HERC1: variants seen among roughly 807,000 people sequenced by gnomAD.
HERC1 encodes HECT and RLD domain containing E3 ubiquitin protein ligase family member 1.
A neutral mutation model predicts 554.3 loss-of-function variants in HERC1; 160 were observed. The ratio of observed to expected loss-of-function variants is 0.29; its 90% CI spans 0.25 to 0.33. The LOEUF is 0.33. Among genes scored for constraint, HERC1 ranks in the 10% least tolerant of loss-of-function variants. The probability of loss-of-function intolerance (pLI) is 1.00; values close to 1 mark genes in which losing one functional copy is unlikely to be tolerated. For missense variants in HERC1, 4,919 were observed against 5,918.5 expected (o/e 0.83, Z 5.54); for synonymous variants, 2,175 against 2,131.7 (o/e 1.02, Z -0.56).
chr15:63,714,643 G>T (rs2073463139), intron 22 of HERC1, among the ~76,000 whole-genome samples: 1 of 144,362 alleles, frequency 6.9e-6, no homozygotes, highest in Admixed American at 7.1e-5. Flanking sequence ...TCCACCCCCA[G>T]GTTCAAGCGA....
In HERC1 at chr15:63,654,052, TGAGAA is replaced by T. The variant is rs558079832; in HGVS notation, c.10290+62_10290+66del. 77 of 1,286,228 alleles carry T rather than the reference TGAGAA, an allele frequency of 6.0e-5. No homozygotes were observed. In the African/African-American group the frequency reaches 6.7e-4, roughly 11 times the overall value. The allele number at this position is 1,286,228 out of a possible 1,614,324, so 79.7% of individuals were successfully genotyped here. A position where few individuals can be genotyped will look rare whatever the true frequency, so the allele number is the denominator to read the frequency against. On this transcript the variant is annotated intron_variant, in intron 51 of 77. Transcript: ENST00000443617. ...AGAGAGACCTAAACTTTGAGCTCCT[TGAGAA>T]GAGAAGAGACTATTTCATCTTACAT... is the stretch of plus-strand genomic sequence containing the variant.
chr15:63,787,026 G>A (rs1365416025), intron 1 of HERC1, among the ~76,000 whole-genome samples: 1 of 150,848 alleles, frequency 6.6e-6, no homozygotes, highest in African/African-American at 2.4e-5. Context: ...ATTTTTAGTA[G>A]AGATGGAGTT....
chr15:63,729,885 C>A (rs1268609758), intron 14 of HERC1, among the ~76,000 whole-genome samples: 1 of 151,648 alleles, frequency 6.6e-6, no homozygotes, highest in Non-Finnish European at 1.5e-5. Context: ...ATTAGCTAGG[C>A]GTGGTGGTGG....
intron 1 of HERC1, among the ~76,000 whole-genome samples, chr15:63,790,100 GGAT>G (rs1363995772): frequency 6.6e-6 from 1 of 151,966 alleles, no homozygotes; most frequent in Non-Finnish European, 1.5e-5. Context: ...GTAATATAAT[GGAT>G]AATAAAAGAA....
At chr15:63,660,927 T>A in intron 46 of HERC1, 46 bp downstream of exon 46, 4 of 1,104,988 alleles carry the variant, frequency 3.6e-6, no homozygotes, top group Non-Finnish European at 5.6e-6. Context: ...GCAGAGAGGA[T>A]ATATAAAAAA....
chr15:63,609,093 G>T lies in HERC1; in HGVS notation c.14574C>A (p.Asp4858Glu), dbSNP rs1253810461. Residue 4858 changes from aspartate to glutamate, a missense_variant, in exon 78 of 78, where the codon GAC (aspartate) becomes GAA (glutamate). Coordinates refer to ENST00000443617, the MANE Select transcript of HERC1 (RefSeq NM_003922.4). ...SRNVDNAEGS[D>E]TDY ...AGCACCCGCACGGTCAGTAGTCAGT[G>T]TCGGAGCCCTCGGCGTTGTCCACGT... 2 of 1,613,378 alleles carry T rather than the reference G, an allele frequency of 1.2e-6. No individual in the cohort carries two copies. Among genetic ancestry groups the T allele is most frequent in the Non-Finnish European group, 1.7e-6 (2 of 1,179,632 alleles).
chr15:63,664,686 T>C (rs1013660999), intron 42 of HERC1, 92 bp from the exon 43 acceptor site: 39 of 1,056,594 alleles, frequency 3.7e-5, no homozygotes, highest in Non-Finnish European at 4.7e-5. Flanking sequence ...ACTACTTTAT[T>C]CTCATTGAGA....
intron 43 of HERC1, among the ~76,000 whole-genome samples, chr15:63,663,816 TA>T (rs916712172): frequency 6.6e-6 from 1 of 152,122 alleles, no homozygotes; most frequent in East Asian, 1.9e-4. Context: ...TTTTAGGTTT[TA>T]AAAAAAATCA....
intron 1 of HERC1, among the ~76,000 whole-genome samples, chr15:63,797,657 T>C (rs544647388): frequency 6.6e-6 from 1 of 152,238 alleles, no homozygotes; most frequent in African/African-American, 2.4e-5. Flanking sequence ...CTCTGTCTCA[T>C]GCATGGCATG....
Position 63,674,470 on chromosome 15 carries a change from C to A in HERC1, c.7718G>T (p.Arg2573Leu), listed in dbSNP as rs1290572429. The A allele has an allele frequency of 3.1e-6, 5 of 1,613,766 alleles. No individual in the cohort carries two copies. The highest frequency in any genetic ancestry group is 4.2e-6 in the Non-Finnish European group (5 of 1,179,862). ...LQFLMRHMVK[R>L]AVMRSPIKRA... ...CTTTATGGGTGACCGCATGACTGCT[C>A]GCTTCACCATGTGTCGCATCAAGAA... The change falls in exon 38 of 78, where the codon CGA becomes CTA. Residue 2573 changes from arginine (R) to leucine (L), a missense_variant. Coordinates refer to ENST00000443617, the MANE Select transcript of HERC1 (RefSeq NM_003922.4).
intron 57 of HERC1, among the ~76,000 whole-genome samples, chr15:63,644,790 A>C (rs767823828): frequency 3.9e-5 from 6 of 152,204 alleles, no homozygotes; most frequent in Non-Finnish European, 7.3e-5. Flanking sequence ...ATATGTATAG[A>C]ATATCTCATT....
chr15:63,661,810 G>A lies in HERC1; in HGVS notation c.9113C>T (p.Thr3038Ile), dbSNP rs546566346. The change falls in exon 45 of 78, where the codon ACC (threonine) becomes ATC (isoleucine). Residue 3038 changes from threonine to isoleucine, a missense_variant. By Grantham distance (89) the Thr-to-Ile change is moderately conservative. Around this residue, in one of 11 missense-constraint regions of HERC1, gnomAD observed 1,963 missense variants for 2,228.6 expected, o/e 0.88. Coordinates refer to ENST00000443617, the MANE Select transcript of HERC1 (RefSeq NM_003922.4). ...CATGGCTAAGTACTTCTCCCTGCAG[G>A]TGCCACATAACAGGTAGTACGGATT... ...SGNPYYLLCG[T>I]CREKYLAMKT... 2 of 1,613,924 alleles carry A rather than the reference G, an allele frequency of 1.2e-6. No individual in the cohort carries two copies. The highest frequency in any genetic ancestry group is 2.2e-5 in the South Asian group (2 of 91,084).
At chr15:63,812,764 A>G (rs1390997231) in intron 1 of HERC1, among the ~76,000 whole-genome samples, 1 of 152,190 alleles carries the variant, frequency 6.6e-6, no homozygotes, top group Non-Finnish European at 1.5e-5. Context: ...TACATGCTAA[A>G]AATTATAAAG....
intron 73 of HERC1, among the ~76,000 whole-genome samples, chr15:63,623,156 T>C (rs1595839960): frequency 6.6e-6 from 1 of 151,720 alleles, no homozygotes; most frequent in South Asian, 2.1e-4. Context: ...GTGAAAAGAG[T>C]GTAGTGATGT....
chr15:63,767,150 G>A (rs115022440), intron 2 of HERC1, among the ~76,000 whole-genome samples: 2,622 of 151,872 alleles, frequency 0.017, 73 homozygotes, highest in African/African-American at 0.06. Context: ...ACAAGTGCAC[G>A]CCACCATGCT....
chr15:63,800,597 A>T (rs1474300164), intron 1 of HERC1, among the ~76,000 whole-genome samples: 1 of 152,218 alleles, frequency 6.6e-6, no homozygotes, highest in Non-Finnish European at 1.5e-5. Context: ...GACTATACCC[A>T]TGTGAGATTA....
chr15:63,825,120 C>T (rs146687818), intron 1 of HERC1, among the ~76,000 whole-genome samples: 213 of 152,166 alleles, frequency 1.4e-3, no homozygotes, highest in African/African-American at 4.8e-3. Flanking sequence ...AGCAGTCTGG[C>T]CAACTTGGCA....
At position 63,734,421 on chromosome 15, in the gene HERC1, T is replaced by G. The variant is rs1412309917; in HGVS notation, c.2646+303A>C. On this transcript the variant is annotated intron_variant, in intron 13 of 77. Coordinates refer to ENST00000443617, the MANE Select transcript of HERC1 (RefSeq NM_003922.4). The surrounding 1 kb of genome is among the most constrained non-coding windows in gnomAD (Gnocchi z 4.6). Reference sequence around the variant, plus strand: ...AAAGTTCTCAGCATGGAACCAACAGTAGCACATACACTTGATTTCAACTCA... The same window carrying G: ...AAAGTTCTCAGCATGGAACCAACAGGAGCACATACACTTGATTTCAACTCA... Among the ~76,000 whole-genome samples the G allele has an allele frequency of 6.6e-6, 1 of 152,234 alleles. No homozygotes were observed. The highest frequency in any genetic ancestry group is 2.4e-5 in the African/African-American group (1 of 41,468).
intron 2 of HERC1, 133 bp downstream of exon 2, chr15:63,774,561 T>C (rs1485405409): frequency 5.8e-6 from 4 of 693,788 alleles, no homozygotes; most frequent in East Asian, 2.7e-5. Flanking sequence ...ACTCCAAGTA[T>C]ATGAAATATT....
Sources: allele counts gnomAD v4.1 joint callset (sites outside exome capture counted in the v4.1 genomes callset), GRCh38; gene constraint gnomAD v4.1.1; regional missense constraint gnomAD v4.1.1; non-coding constraint Gnocchi (gnomAD v3.1); transcripts MANE v1.5; gene names NCBI Gene and HGNC (gene_info 2026-07-23, HGNC 2026-07-21).